The following MED13 variants were observed in gnomAD, a reference collection of about 807,000 sequenced individuals.
MED13 encodes mediator complex subunit 13.
A neutral mutation model predicts 225.2 loss-of-function variants in MED13; 23 were observed. The observed-to-expected ratio is 0.10, with a 90% CI of 0.07 to 0.14. The LOEUF (loss-of-function observed/expected upper bound fraction) is 0.14. Among genes scored for constraint, MED13 ranks in the 10% least tolerant of loss-of-function variants. The pLI is 1.00. For missense variants in MED13, 2,197 were observed against 2,594.5 expected, an observed-to-expected ratio of 0.85 and a Z score of 3.33; for synonymous variants, 942 against 889.2, an observed-to-expected ratio of 1.06 and a Z score of -1.06.
At chr17:61,969,871 G>C (rs1396641714) in intron 17 of MED13, among the ~76,000 whole-genome samples, 3 of 151,874 alleles carry the variant, frequency 2.0e-5, no homozygotes, top group Admixed American at 2.0e-4. Flanking sequence ...CAAAGTGCTG[G>C]GATTACAGGC....
chr17:61,972,538 G>A (rs1244496806), intron 17 of MED13, among the ~76,000 whole-genome samples, 189 bp downstream of exon 17: 2 of 152,144 alleles, frequency 1.3e-5, no homozygotes, highest in Non-Finnish European at 2.9e-5. Context: ...TCCTTTTGAA[G>A]TGGAGTTGGA....
intron 8 of MED13, among the ~76,000 whole-genome samples, chr17:62,011,999 C>T (rs1320688882): frequency 6.6e-6 from 1 of 152,030 alleles, no homozygotes; most frequent in African/African-American, 2.4e-5. Context: ...GGCGGATCAC[C>T]TGAGGTGAGG....
chr17:62,008,308 GCT>G (rs1419426666), intron 9 of MED13, among the ~76,000 whole-genome samples: 2 of 66,824 alleles, frequency 3.0e-5, no homozygotes, highest in African/African-American at 1.9e-4. Flanking sequence ...ACAGAGCGAG[GCT>G]CTGTCTCAAA....
chr17:62,043,138 A>G (rs2080867746), intron 3 of MED13, among the ~76,000 whole-genome samples: 1 of 145,378 alleles, frequency 6.9e-6, no homozygotes, highest in Non-Finnish European at 1.5e-5. Flanking sequence ...CCTAGGAGAC[A>G]AAGCAAGACC....
intron 23 of MED13, among the ~76,000 whole-genome samples, chr17:61,958,463 C>T (rs1224657471): frequency 6.6e-6 from 1 of 151,596 alleles, no homozygotes; most frequent in Non-Finnish European, 1.5e-5. Context: ...CTCAGCCTCC[C>T]AAGTAGCTGG....
intron 11 of MED13, among the ~76,000 whole-genome samples, chr17:61,990,016 AT>A (rs2080281561): frequency 1.3e-5 from 2 of 152,108 alleles, no homozygotes; most frequent in African/African-American, 4.8e-5. Flanking sequence ...GTTCAGATAG[AT>A]TTTTTTCTTA....
At chr17:62,060,984 T>C (rs2081034804) in intron 2 of MED13, among the ~76,000 whole-genome samples, 1 of 152,096 alleles carries the variant, frequency 6.6e-6, no homozygotes, top group East Asian at 1.9e-4. Flanking sequence ...CAGGCGTGAG[T>C]GAGCCATGGC....
At chr17:62,011,303 A>G in intron 8 of MED13, 70 bp from the exon 9 acceptor site, 4 of 1,260,412 alleles carry the variant, frequency 3.2e-6, no homozygotes, top group Non-Finnish European at 4.3e-6. Context: ...ACCAGTTAAT[A>G]GTATTAGACA....
intron 3 of MED13, among the ~76,000 whole-genome samples, chr17:62,049,388 A>G (rs1159438107): frequency 6.6e-6 from 1 of 152,214 alleles, no homozygotes; most frequent in African/African-American, 2.4e-5. Context: ...CAGCTAGAAA[A>G]TATTTCAGGC....
At chr17:62,031,218 T>C (rs1001832755) in intron 6 of MED13, 4 of 400,552 alleles carry the variant, frequency 1.0e-5, no homozygotes, top group Admixed American at 4.4e-5. Context: ...CTGTAGGTTG[T>C]TCTCAAATGG....
chr17:62,057,662 A>T (rs1312908312), intron 2 of MED13, among the ~76,000 whole-genome samples: 1 of 152,228 alleles, frequency 6.6e-6, no homozygotes, highest in Admixed American at 6.5e-5. Flanking sequence ...AATATCCTTC[A>T]ATTAAAACAT....
intron 16 of MED13, among the ~76,000 whole-genome samples, chr17:61,976,026 AT>A (rs1403715098): frequency 1.2e-3 from 178 of 152,322 alleles, no homozygotes; most frequent in African/African-American, 4.1e-3. Context: ...CAAAAAAAAA[AT>A]AAATAAATAA....
chr17:61,967,447 T>C lies in MED13; in HGVS notation c.4191+588A>G, dbSNP rs115782154. Among the ~76,000 whole-genome samples, 872 of 152,302 alleles carry C rather than the reference T, an allele frequency of 5.7e-3. 6 individuals carry two copies. The highest frequency in any genetic ancestry group is 0.02 in the African/African-American group (830 of 41,570). The stretch of plus-strand genomic sequence containing the variant: ...CTAACATACACTAACATTCAGATTG[T>C]ATAAGGAATCAAAATTTAAAGACTA... On this transcript the variant is annotated intron_variant, in intron 18 of 29. Coordinates refer to ENST00000397786, the MANE Select transcript of MED13 (RefSeq NM_005121.3).
chr17:62,020,711 G>C (rs983708904), intron 8 of MED13, among the ~76,000 whole-genome samples: 6 of 123,102 alleles, frequency 4.9e-5, no homozygotes, highest in African/African-American at 1.6e-4. Context: ...TTTTTTAATT[G>C]ATCATTCTTG....
intron 10 of MED13, among the ~76,000 whole-genome samples, chr17:61,994,383 A>G (rs2080329795): frequency 6.6e-6 from 1 of 152,168 alleles, no homozygotes; most frequent in South Asian, 2.1e-4. Context: ...TGATTTTTAA[A>G]TTTTATTCTA....
At chr17:62,030,317 A>G in intron 6 of MED13, 1 of 251,442 alleles carries the variant, frequency 4.0e-6, no homozygotes, top group East Asian at 8.3e-5. Context: ...GAGGTGTCCC[A>G]TGGATCATGC....
intron 16 of MED13, among the ~76,000 whole-genome samples, chr17:61,977,510 G>A (rs2080167450): frequency 6.6e-6 from 1 of 152,202 alleles, no homozygotes. Flanking sequence ...GGAGTGCGGT[G>A]GCACCATCTC....
At chr17:61,999,376 A>G (rs140765799) in intron 9 of MED13, among the ~76,000 whole-genome samples, 1 of 152,312 alleles carries the variant, frequency 6.6e-6, no homozygotes. Flanking sequence ...AAATTCTTCT[A>G]AAACTAAGTG....
chr17:62,043,864 T>C (rs908689490), intron 3 of MED13, among the ~76,000 whole-genome samples: 1 of 151,448 alleles, frequency 6.6e-6, no homozygotes, highest in Non-Finnish European at 1.5e-5. Flanking sequence ...ATACATTTAG[T>C]TTTTTTTTAG....
Sources: gnomAD v4.1 joint callset for allele counts (sites outside exome capture counted in the v4.1 genomes callset) on GRCh38, gnomAD v4.1.1 for gene constraint, MANE v1.5 for transcripts, NCBI Gene and HGNC (gene_info 2026-07-23, HGNC 2026-07-21) for gene names.